The following PTPRO variants were observed in gnomAD, a reference collection of about 807,000 sequenced individuals.
The protein encoded by PTPRO is protein tyrosine phosphatase receptor type O, also known as receptor-type tyrosine-protein phosphatase O.
PTPRO carries 62 observed loss-of-function variants against 145.2 expected under a neutral mutation model. The ratio of observed to expected loss-of-function variants is 0.43; its 90% CI spans 0.35 to 0.53. The LOEUF (loss-of-function observed/expected upper bound fraction) is 0.53, where lower values mean the gene tolerates loss of function less well. Among genes scored for constraint, PTPRO ranks in the 20% least tolerant of loss-of-function variants. The pLI, the probability that PTPRO is intolerant of heterozygous loss-of-function variation, is 0.01. For missense variants in PTPRO, 1,345 were observed against 1,482.7 expected, an observed-to-expected ratio of 0.91 and a Z score of 1.53; for synonymous variants, 565 against 514.7, an observed-to-expected ratio of 1.10 and a Z score of -1.32.
intron 2 of PTPRO, among the ~76,000 whole-genome samples, chr12:15,496,265 C>T (rs1942105032): frequency 6.6e-6 from 1 of 151,310 alleles, no homozygotes; most frequent in African/African-American, 2.4e-5. Context: ...GCCTCAGCCT[C>T]CCCAGCAGCT....
intron 1 of PTPRO, among the ~76,000 whole-genome samples, chr12:15,472,821 G>T (rs1941572068): frequency 6.6e-6 from 1 of 152,166 alleles, no homozygotes; most frequent in Non-Finnish European, 1.5e-5. Flanking sequence ...CCAAATCAGG[G>T]AGTCTACCAC....
chr12:15,450,336 A>G (rs888281206), intron 1 of PTPRO, among the ~76,000 whole-genome samples: 2 of 152,336 alleles, frequency 1.3e-5, no homozygotes, highest in Admixed American at 6.5e-5. Context: ...ACTCTTTCCC[A>G]TTCTCTATTC....
In PTPRO at chr12:15,501,650, G is replaced by A. The variant is rs760993815; in HGVS notation, c.692G>A (p.Arg231His). The change falls in exon 5 of 27, where the codon CGT becomes CAT. Residue 231 changes from arginine to histidine, a missense_variant. Transcript: ENST00000281171. The stretch of plus-strand genomic sequence containing the variant: ...TATCCACCTCAAAATATTTCCGTTC[G>A]TATCGTAAACTTGAACAAAAACAAC... ...APYPPQNISVRIVNLNKNNWE... is the reference protein window; with the variant it reads ...APYPPQNISVHIVNLNKNNWE... The A allele has an allele frequency of 1.6e-5, 26 of 1,613,760 alleles. No homozygotes were observed. The highest frequency in any genetic ancestry group is 4.4e-5 in the South Asian group (4 of 91,060).
At chr12:15,456,872 T>C (rs1023579295) in intron 1 of PTPRO, among the ~76,000 whole-genome samples, 1 of 152,190 alleles carries the variant, frequency 6.6e-6, no homozygotes, top group African/African-American at 2.4e-5. Flanking sequence ...TTGGGGAAAG[T>C]TATACTAATA....
rs1941782383 is a variant in PTPRO, at chr12:15,481,700, G to C, written c.76-2274G>C. ...AGGAACACAATTTAGTCTATTCAAT[G>C]TTAAGACAGAATTAAATTTGTTTAT... On this transcript the variant is annotated intron_variant, in intron 1 of 26. Coordinates refer to ENST00000281171, the MANE Select transcript of PTPRO (RefSeq NM_030667.3). Among the ~76,000 whole-genome samples, 4 of 152,256 alleles carry C rather than the reference G, an allele frequency of 2.6e-5. No individual in the cohort carries two copies. The South Asian group carries it at 8.3e-4, about 32-fold the overall frequency.
intron 1 of PTPRO, among the ~76,000 whole-genome samples, chr12:15,345,523 C>T (rs1867171960): frequency 6.6e-6 from 1 of 152,086 alleles, no homozygotes; most frequent in Admixed American, 6.6e-5. Flanking sequence ...AAACCAAACA[C>T]CACATGTTTG....
chr12:15,574,207 CT>C (rs1191439223), intron 19 of PTPRO, among the ~76,000 whole-genome samples: 1 of 152,010 alleles, frequency 6.6e-6, no homozygotes, highest in Non-Finnish European at 1.5e-5. Flanking sequence ...GAATAAATTT[CT>C]TTTTTACTCT....
chr12:15,359,422 C>CTTTTT (rs771782428), intron 1 of PTPRO, among the ~76,000 whole-genome samples: 58 of 112,498 alleles, frequency 5.2e-4, no homozygotes, highest in African/African-American at 1.7e-3. Flanking sequence ...TTTCTCTTTC[C>CTTTTT]TTTTTTTTTT....
intron 2 of PTPRO, among the ~76,000 whole-genome samples, chr12:15,485,350 C>T (rs963305554): frequency 3.9e-5 from 6 of 152,064 alleles, no homozygotes; most frequent in African/African-American, 1.4e-4. Context: ...GGAGAACTTA[C>T]CTGGTAAAAT....
chr12:15,549,714 T>C (rs914324457), intron 14 of PTPRO, among the ~76,000 whole-genome samples: 2 of 152,134 alleles, frequency 1.3e-5, no homozygotes, highest in African/African-American at 2.4e-5. Flanking sequence ...ATGATGCTGT[T>C]TATTTCCTTA....
chr12:15,533,346 A>G (rs1336684011), intron 12 of PTPRO, among the ~76,000 whole-genome samples: 1 of 152,182 alleles, frequency 6.6e-6, no homozygotes, highest in Non-Finnish European at 1.5e-5. Context: ...CTCTCTGTAG[A>G]CAAGACAATC....
intron 1 of PTPRO, among the ~76,000 whole-genome samples, chr12:15,352,261 A>T (rs780113609): frequency 7.2e-5 from 11 of 152,200 alleles, no homozygotes; most frequent in Non-Finnish European, 1.3e-4. Flanking sequence ...TTTTAGAGAA[A>T]GTCAGGAACT....
chr12:15,490,494 A>T (rs1941978248), intron 2 of PTPRO, among the ~76,000 whole-genome samples: 1 of 152,176 alleles, frequency 6.6e-6, no homozygotes, highest in East Asian at 1.9e-4. Flanking sequence ...ACGTGCCATG[A>T]AATACTATTC....
chr12:15,420,816 A>C (rs544862624), intron 1 of PTPRO, among the ~76,000 whole-genome samples: 1 of 152,322 alleles, frequency 6.6e-6, no homozygotes, highest in East Asian at 1.9e-4. Context: ...TCTTACCTGC[A>C]AAATGGGTAC....
At chr12:15,430,687 A>G (rs906663404) in intron 1 of PTPRO, among the ~76,000 whole-genome samples, 1 of 152,128 alleles carries the variant, frequency 6.6e-6, no homozygotes, top group Non-Finnish European at 1.5e-5. Flanking sequence ...ACAATATATT[A>G]TACACTTGAA....
chr12:15,415,996 G>A (rs2136319897), intron 1 of PTPRO, among the ~76,000 whole-genome samples: 1 of 151,650 alleles, frequency 6.6e-6, no homozygotes, highest in Admixed American at 6.6e-5. Context: ...TAAATTCAGG[G>A]GTTAGATAAC....
intron 12 of PTPRO, among the ~76,000 whole-genome samples, chr12:15,533,507 A>G (rs1943003791): frequency 1.3e-5 from 2 of 152,208 alleles, no homozygotes; most frequent in Non-Finnish European, 2.9e-5. Flanking sequence ...ATAACTGCTT[A>G]ACAGATACTG....
intron 1 of PTPRO, among the ~76,000 whole-genome samples, chr12:15,381,689 C>G (rs960488778): frequency 1.2e-4 from 19 of 152,110 alleles, no homozygotes; most frequent in African/African-American, 4.3e-4. Flanking sequence ...CCTTTCGCAG[C>G]TCCCATGGAA....
intron 1 of PTPRO, among the ~76,000 whole-genome samples, chr12:15,408,151 G>A (rs1939698003): frequency 6.6e-6 from 1 of 151,940 alleles, no homozygotes; most frequent in South Asian, 2.1e-4. Flanking sequence ...GCTTCTCTGT[G>A]GGGGTGGGTG....
Sources: gnomAD v4.1 joint callset for allele counts (sites outside exome capture counted in the v4.1 genomes callset) on GRCh38, gnomAD v4.1.1 for gene constraint, MANE v1.5 for transcripts, NCBI Gene and HGNC (gene_info 2026-07-23, HGNC 2026-07-21) for gene names.